CSGALNACT1: variants seen among roughly 807,000 people sequenced by gnomAD.
CSGALNACT1 encodes the protein beta4GalNAcT-1.
A neutral mutation model predicts 51.0 loss-of-function variants in CSGALNACT1; 52 were observed. That is an observed-to-expected ratio of 1.02 (90% CI 0.82 to 1.29). CSGALNACT1 has a LOEUF of 1.29. CSGALNACT1 is among the 50% of genes most tolerant of loss of function. The pLI is 0.00. For synonymous variants in CSGALNACT1, 341 were observed against 254.4 expected (o/e 1.34, Z -3.24); for missense variants, 935 against 679.2 (o/e 1.38, Z -4.19).
At chr8:19,497,895 C>T (rs2075758438) in intron 4 of CSGALNACT1, among the ~76,000 whole-genome samples, 1 of 152,122 alleles carries the variant, frequency 6.6e-6, no homozygotes, top group African/African-American at 2.4e-5. Flanking sequence ...CCCTTACATA[C>T]CTAAGACCGG....
chr8:19,573,488 G>A (rs1364399169), intron 3 of CSGALNACT1, among the ~76,000 whole-genome samples: 1 of 151,608 alleles, frequency 6.6e-6, no homozygotes, highest in Admixed American at 6.6e-5. Context: ...CCGTTGCCCA[G>A]GCTGGAATGT....
intron 1 of CSGALNACT1, among the ~76,000 whole-genome samples, chr8:19,708,316 G>C (rs778024332): frequency 6.6e-6 from 1 of 152,176 alleles, no homozygotes; most frequent in Non-Finnish European, 1.5e-5. Flanking sequence ...GCATCACCTG[G>C]GATGCCCATC....
Position 19,518,567 on chromosome 8 carries a change from T to C in CSGALNACT1, c.-296-12437A>G, listed in dbSNP as rs1403645732. ...AACCAGACTATAAAATCCTGTGCAG[T>C]CTCTGCCACTCAGTCCTTTTTCTGC... On this transcript the variant is annotated intron_variant, in intron 3 of 9. Coordinates refer to ENST00000454498, the Ensembl canonical transcript of CSGALNACT1. 5.3e-5 allele frequency among the ~76,000 whole-genome samples: 8 copies of C among 152,304 alleles called. No homozygotes were observed. The Middle Eastern group carries it at 0.014, about 259-fold the overall frequency.
rs190670883 is a variant in CSGALNACT1, at chr8:19,618,923, A to T, written c.-543-17058T>A. Among the ~76,000 whole-genome samples, 139 of 152,258 alleles carry T rather than the reference A, an allele frequency of 9.1e-4. 2 individuals are homozygous for T. The highest frequency in any genetic ancestry group is 3.7e-3 in the Admixed American group (56 of 15,286). On this transcript the variant is annotated intron_variant, in intron 1 of 9. Coordinates refer to the CSGALNACT1 transcript ENST00000332246. ...CCGCTGTAAGAGAAGAGAAATTTTA[A>T]TGGGATGGAGGGCAGGTGATAAAAC...
chr8:19,549,872 T>C (rs2087513442), intron 3 of CSGALNACT1, among the ~76,000 whole-genome samples: 1 of 152,120 alleles, frequency 6.6e-6, no homozygotes, highest in African/African-American at 2.4e-5. Context: ...GTATTTCTTC[T>C]AGGTTCCACT....
intron 1 of CSGALNACT1, among the ~76,000 whole-genome samples, chr8:19,697,330 T>A (rs2061635525): frequency 6.6e-6 from 1 of 151,442 alleles, no homozygotes; most frequent in Non-Finnish European, 1.5e-5. Context: ...CAAGAAGGAG[T>A]CCAGAATGAC....
At chr8:19,596,055 CA>C (rs1408754269) in intron 2 of CSGALNACT1, among the ~76,000 whole-genome samples, 13 of 151,912 alleles carry the variant, frequency 8.6e-5, no homozygotes, top group African/African-American at 2.9e-4. Context: ...TTTATAGAGA[CA>C]GGGGTCTTGT....
At chr8:19,658,759 C>G (rs1369636437) in intron 1 of CSGALNACT1, among the ~76,000 whole-genome samples, 1 of 151,942 alleles carries the variant, frequency 6.6e-6, no homozygotes, top group African/African-American at 2.4e-5. Context: ...ACAAAAAACA[C>G]CACCACCACC....
At chr8:19,535,089 TGA>T (rs1225619270) in intron 3 of CSGALNACT1, among the ~76,000 whole-genome samples, 1 of 152,162 alleles carries the variant, frequency 6.6e-6, no homozygotes, top group Admixed American at 6.5e-5. Context: ...CCATCTGTGC[TGA>T]GAGAAAGAAT....
rs1311778179 is a variant in CSGALNACT1 at position 19,654,836 on chromosome 8, G to A, written c.-544+27637C>T. ...GCTAGGATTACAGGCATGAGCCACT[G>A]TGCCCAGCCTAAGTCAGGTAATTTT... is the stretch of plus-strand genomic sequence containing the variant. On this transcript the variant is annotated intron_variant, in intron 1 of 9. Coordinates refer to the CSGALNACT1 transcript ENST00000332246. 3.3e-5 allele frequency among the ~76,000 whole-genome samples: 5 copies of A among 152,110 alleles called. No homozygotes were observed. In the South Asian group the frequency reaches 1.0e-3, roughly 32 times the overall value.
intron 3 of CSGALNACT1, among the ~76,000 whole-genome samples, chr8:19,553,999 C>G (rs1194374871): frequency 6.6e-6 from 1 of 151,432 alleles, no homozygotes. Context: ...GAAAAGATAA[C>G]CATCTAATTT....
chr8:19,512,016 C>A (rs1322885788), intron 3 of CSGALNACT1, among the ~76,000 whole-genome samples: 1 of 152,216 alleles, frequency 6.6e-6, no homozygotes, highest in Non-Finnish European at 1.5e-5. Context: ...GTCCCTCCCT[C>A]AATACTGGGG....
At chr8:19,667,554 G>A (rs552871095) in intron 1 of CSGALNACT1, among the ~76,000 whole-genome samples, 6 of 152,318 alleles carry the variant, frequency 3.9e-5, no homozygotes, top group Admixed American at 6.5e-5. Flanking sequence ...AGAGTCAGTC[G>A]TGTTCCACCC....
rs576089081 is a variant in CSGALNACT1 at position 19,562,809 on chromosome 8, A to T, written c.-297+28351T>A. 3.3e-5 allele frequency among the ~76,000 whole-genome samples: 5 copies of T among 152,302 alleles called. 1 individual carries two copies. The highest frequency in any genetic ancestry group is 2.0e-4 in the Admixed American group (3 of 15,302). ...ACTGGCAAGGCTTTGGAGAAACAGGAACGCTCTTACACTGGTGGTAGGAAT... is the reference window on the plus strand; with the variant it reads ...ACTGGCAAGGCTTTGGAGAAACAGGTACGCTCTTACACTGGTGGTAGGAAT... On this transcript the variant is annotated intron_variant, in intron 3 of 9. Coordinates refer to ENST00000454498, the Ensembl canonical transcript of CSGALNACT1.
intron 3 of CSGALNACT1, among the ~76,000 whole-genome samples, chr8:19,568,371 T>C (rs1320469310): frequency 1.3e-5 from 2 of 152,148 alleles, no homozygotes; most frequent in African/African-American, 4.8e-5. Context: ...AGGGAAAATA[T>C]GGTATTATAA....
At chr8:19,498,736 C>A (rs1285743421) in intron 4 of CSGALNACT1, among the ~76,000 whole-genome samples, 1 of 152,180 alleles carries the variant, frequency 6.6e-6, no homozygotes, top group Non-Finnish European at 1.5e-5. Flanking sequence ...TCATCTTTGA[C>A]CTCCCATAAC....
At chr8:19,642,660 C>T (rs180928705) in intron 1 of CSGALNACT1, among the ~76,000 whole-genome samples, 1 of 151,982 alleles carries the variant, frequency 6.6e-6, no homozygotes, top group Non-Finnish European at 1.5e-5. Context: ...CACACACACA[C>T]CTGTAGTCCC....
chr8:19,606,638 A>G (rs1193893143), upstream of CSGALNACT1, among the ~76,000 whole-genome samples: 1 of 152,240 alleles, frequency 6.6e-6, no homozygotes, highest in Non-Finnish European at 1.5e-5. Context: ...TACAGGATGC[A>G]GACTCAACGG....
At chr8:19,487,669 G>A (rs1436660054) in intron 4 of CSGALNACT1, among the ~76,000 whole-genome samples, 4 of 152,156 alleles carry the variant, frequency 2.6e-5, no homozygotes, top group African/African-American at 9.7e-5. Context: ...CAGCTAAGGT[G>A]CTTGGTACAA....
Sources: allele counts gnomAD v4.1 joint callset (sites outside exome capture counted in the v4.1 genomes callset), GRCh38; gene constraint gnomAD v4.1.1; transcripts MANE v1.5; gene names NCBI Gene and HGNC (gene_info 2026-07-23, HGNC 2026-07-21).